STRADB: variants seen among roughly 807,000 people sequenced by gnomAD.
STRADB encodes the protein STE20 related adaptor beta.
Under a neutral mutation model 52.1 loss-of-function variants are expected in STRADB, and 34 were observed. That is an observed-to-expected ratio of 0.65 (90% CI 0.50 to 0.87). STRADB has a LOEUF of 0.87. Ranked by LOEUF, STRADB falls within the 40% of genes least tolerant of loss-of-function variation. The probability of loss-of-function intolerance (pLI) is 0.00; values close to 1 mark genes in which losing one functional copy is unlikely to be tolerated. For synonymous variants in STRADB, 133 were observed against 174.5 expected (o/e 0.76, Z 1.87); for missense variants, 340 against 483.9 (o/e 0.70, Z 2.79).
intron 7 of STRADB, 77 bp downstream of exon 7, chr2:201,475,819 A>G (rs533921996): frequency 6.2e-6 from 9 of 1,459,106 alleles, no homozygotes; most frequent in Non-Finnish European, 8.3e-6. Context: ...AGGAAGGAGC[A>G]GTTGAATATT....
intron 4 of STRADB, among the ~76,000 whole-genome samples, chr2:201,470,744 G>T (rs1371004927): frequency 6.6e-6 from 1 of 152,192 alleles, no homozygotes; most frequent in Non-Finnish European, 1.5e-5. Context: ...CCACCTCTGG[G>T]AGTTAAGAGA....
intron 3 of STRADB, among the ~76,000 whole-genome samples, chr2:201,465,629 C>A (rs1952288957): frequency 6.6e-6 from 1 of 152,166 alleles, no homozygotes; most frequent in Admixed American, 6.5e-5. Flanking sequence ...AGGTCATGGG[C>A]CCCCCAAGTC....
At position 201,478,179 on chromosome 2, in the gene STRADB, G is replaced by C; in HGVS notation, c.813G>C (p.Met271Ile). ...GTGGGCAGGTGCCTTTCCAGGACAT[G>C]CATAGAACTCAGGTAAGTGCTGCTA... ...LASGQVPFQDMHRTQMLLQKL... is the reference protein window; with the variant it reads ...LASGQVPFQDIHRTQMLLQKL... Residue 271 changes from methionine to isoleucine, a missense_variant, in exon 9 of 12, where the codon ATG becomes ATC. Transcript: ENST00000194530. 1 of 1,612,880 alleles carries C rather than the reference G, an allele frequency of 6.2e-7. No individual in the cohort carries two copies. Among genetic ancestry groups the C allele is most frequent in the South Asian group, 1.1e-5 (1 of 90,706 alleles).
At chr2:201,457,387 T>C (rs1160562152) in intron 2 of STRADB, 2 of 152,226 alleles carry the variant, frequency 1.3e-5, no homozygotes, top group Non-Finnish European at 2.9e-5. Flanking sequence ...AGGAAGCCAT[T>C]AGAAACTCTG....
chr2:201,480,272 A>T lies in STRADB; in HGVS notation c.*97A>T. On this transcript the variant is annotated 3_prime_UTR_variant, in exon 12 of 12. Coordinates refer to ENST00000194530, the MANE Select transcript of STRADB (RefSeq NM_018571.6). Reference sequence around the variant, plus strand: ...GTACAAATACCAGAATTATACTTGAAAATACAGTTGGTGCACTGGAGAATC... The same window carrying T: ...GTACAAATACCAGAATTATACTTGATAATACAGTTGGTGCACTGGAGAATC... 6.4e-7 allele frequency: 1 copy of T among 1,558,304 alleles called. No individual in the cohort carries two copies. The highest frequency in any genetic ancestry group is 8.7e-7 in the Non-Finnish European group (1 of 1,155,010).
intron 2 of STRADB, among the ~76,000 whole-genome samples, chr2:201,455,694 A>T (rs1952117405): frequency 6.6e-6 from 1 of 151,368 alleles, no homozygotes; most frequent in Non-Finnish European, 1.5e-5. Flanking sequence ...ATAGAGGGAG[A>T]TCCTGTCTCA....
rs894945063 is a variant in STRADB, at chr2:201,478,689, A to G, written c.1070+88A>G. 6.4e-6 allele frequency: 9 copies of G among 1,412,118 alleles called. No homozygotes were observed. The African/African-American group carries it at 1.2e-4, about 18-fold the overall frequency. 87.5% of individuals were successfully genotyped at this position (1,412,118 alleles called of 1,614,324 possible). A position where few individuals can be genotyped will look rare whatever the true frequency, so the allele number is the denominator to read the frequency against. On this transcript the variant is annotated intron_variant, in intron 10 of 11. Transcript: ENST00000194530. ...TAACATTGCCCTTCCAGGAGAATAC[A>G]AATCTTTTGATCAAAATATTGTCTG...
chr2:201,466,950 G>A (rs928100113), intron 3 of STRADB, among the ~76,000 whole-genome samples: 1 of 152,132 alleles, frequency 6.6e-6, no homozygotes, highest in Admixed American at 6.5e-5. Context: ...TAAAAGTCTG[G>A]CAGGATCTCT....
chr2:201,468,839 C>CT (rs1424419213), intron 3 of STRADB, among the ~76,000 whole-genome samples: 1 of 152,146 alleles, frequency 6.6e-6, no homozygotes, highest in Admixed American at 6.5e-5. Flanking sequence ...GTCATTAAAT[C>CT]TGAGTTTATC....
chr2:201,476,550 GAT>G (rs1952476181), intron 7 of STRADB, among the ~76,000 whole-genome samples: 1 of 151,654 alleles, frequency 6.6e-6, no homozygotes, highest in Non-Finnish European at 1.5e-5. Flanking sequence ...AAATGTATAA[GAT>G]ATATTTTTAT....
At position 201,468,286 on chromosome 2, in the gene STRADB, G is replaced by A. The variant is rs1308084246; in HGVS notation, c.94-1667G>A. ...AAAAAGAGAAGTGAGGTTAGTTTGGGATGATTTACTCTTAGTAAATCTGAG... is the reference window on the plus strand; with the variant it reads ...AAAAAGAGAAGTGAGGTTAGTTTGGAATGATTTACTCTTAGTAAATCTGAG... On this transcript the variant is annotated intron_variant, in intron 3 of 11. Coordinates refer to ENST00000194530, the MANE Select transcript of STRADB (RefSeq NM_018571.6). 4.6e-5 allele frequency among the ~76,000 whole-genome samples: 7 copies of A among 151,926 alleles called. No homozygotes were observed. The East Asian group carries it at 1.4e-3, about 29-fold the overall frequency.
chr2:201,465,092 G>A (rs949426018), intron 3 of STRADB, among the ~76,000 whole-genome samples: 5 of 152,200 alleles, frequency 3.3e-5, no homozygotes, highest in African/African-American at 4.8e-5. Flanking sequence ...CTAGCCTACT[G>A]TGGCTGAGCT....
At chr2:201,475,053 C>T (rs559218506) in intron 6 of STRADB, among the ~76,000 whole-genome samples, 6 of 152,306 alleles carry the variant, frequency 3.9e-5, no homozygotes, top group Admixed American at 3.3e-4. Flanking sequence ...TACTGTTATT[C>T]TGCAGGAAGA....
chr2:201,463,252 T>G (rs1368175733), intron 3 of STRADB, among the ~76,000 whole-genome samples: 1 of 146,442 alleles, frequency 6.8e-6, no homozygotes, highest in African/African-American at 2.5e-5. Context: ...CAGAATTGCT[T>G]GAACTTGGGA....
intron 6 of STRADB, among the ~76,000 whole-genome samples, chr2:201,475,272 GAATA>G (rs1164587944): frequency 6.6e-6 from 1 of 151,932 alleles, no homozygotes; most frequent in East Asian, 1.9e-4. Flanking sequence ...TAATTGTGTT[GAATA>G]AATAGTGAAT....
chr2:201,465,183 C>T (rs181197199), intron 3 of STRADB, among the ~76,000 whole-genome samples: 213 of 152,260 alleles, frequency 1.4e-3, no homozygotes, highest in Middle Eastern at 0.014. Flanking sequence ...CCTGTGGCCA[C>T]CACAGTTGGG....
chr2:201,452,497 A>T (rs1292246133), intron 1 of STRADB, among the ~76,000 whole-genome samples: 2 of 152,196 alleles, frequency 1.3e-5, no homozygotes, highest in African/African-American at 4.8e-5. Flanking sequence ...CCAAAACTTG[A>T]TACGGATGTG....
chr2:201,474,841 C>T, intron 6 of STRADB, 86 bp downstream of exon 6: 1 of 1,034,996 alleles, frequency 9.7e-7, no homozygotes. Context: ...TATGATTTGC[C>T]ACATTTAATT....
Position 201,475,757 on chromosome 2 carries a change from G to T in STRADB, c.548+15G>T. The T allele has an allele frequency of 6.4e-7, 1 of 1,574,372 alleles. No homozygotes were observed. The highest frequency in any genetic ancestry group is 8.6e-7 in the Non-Finnish European group (1 of 1,165,534). On this transcript the variant is annotated intron_variant, in intron 7 of 11. Coordinates refer to ENST00000194530, the MANE Select transcript of STRADB (RefSeq NM_018571.6). ...TGTATTCACAGGTATTTACTTATTT[G>T]TATTTATTAAATGAAATAATTTTAA...
Sources: allele counts gnomAD v4.1 joint callset (sites outside exome capture counted in the v4.1 genomes callset), GRCh38; gene constraint gnomAD v4.1.1; transcripts MANE v1.5; gene names NCBI Gene and HGNC (gene_info 2026-07-23, HGNC 2026-07-21).